Variants in CUL1 observed in about 807,000 individuals in gnomAD.
The protein encoded by CUL1 is cullin 1.
A neutral mutation model predicts 118.0 loss-of-function variants in CUL1; 24 were observed. That is an observed-to-expected ratio of 0.20 (90% CI 0.15 to 0.29). The LOEUF (loss-of-function observed/expected upper bound fraction) is 0.29. Ranked by LOEUF, CUL1 falls within the 10% of genes least tolerant of loss-of-function variation. CUL1 has a pLI of 1.00. For synonymous variants in CUL1, 332 were observed against 340.4 expected (o/e 0.98, Z 0.27); for missense variants, 361 against 933.8 (o/e 0.39, Z 7.99).
At chr7:148,786,658 A>G (rs1800825925) in intron 12 of CUL1, 59 bp downstream of exon 12, 2 of 1,404,418 alleles carry the variant, frequency 1.4e-6, no homozygotes, top group East Asian at 4.6e-5. Context: ...AGCTGTTTGT[A>G]ATGTTATTTG....
intron 7 of CUL1, among the ~76,000 whole-genome samples, chr7:148,763,468 CTA>C (rs1489123802): frequency 6.6e-6 from 1 of 152,196 alleles, no homozygotes; most frequent in Non-Finnish European, 1.5e-5. Context: ...TCAAACTGAG[CTA>C]TGAGTCTATT....
At chr7:148,725,248 C>CACACACACACACACA (rs3222168) in intron 1 of CUL1, among the ~76,000 whole-genome samples, 3 of 151,268 alleles carry the variant, frequency 2.0e-5, no homozygotes, top group African/African-American at 4.9e-5. Flanking sequence ...CACACACACA[C>CACACACACACACACA]CCGTACCCCT....
intron 2 of CUL1, among the ~76,000 whole-genome samples, chr7:148,753,364 C>T (rs564884265): frequency 9.8e-5 from 15 of 152,306 alleles, no homozygotes; most frequent in South Asian, 8.3e-4. Flanking sequence ...TCATTCTCTG[C>T]GCTCCCCCTG....
chr7:148,797,069 G>T (rs1167128873), intron 17 of CUL1, among the ~76,000 whole-genome samples: 1 of 152,008 alleles, frequency 6.6e-6, no homozygotes, highest in Non-Finnish European at 1.5e-5. Context: ...AGGAGGGCTG[G>T]GAAGCGTTTA....
rs74980596 is a variant in CUL1 at position 148,713,737 on chromosome 7, T to A, written c.-162+14708T>A. Reference sequence around the variant, plus strand: ...TGTGTATTTTATATTATATATATATTTTTTGAGATGGAGTCTCATTCTGTC... The same window carrying A: ...TGTGTATTTTATATTATATATATATATTTTGAGATGGAGTCTCATTCTGTC... On this transcript the variant is annotated intron_variant, in intron 1 of 21. Coordinates refer to ENST00000325222, the MANE Select transcript of CUL1 (RefSeq NM_003592.3). Among the ~76,000 whole-genome samples the A allele has an allele frequency of 8.6e-3, 1,311 of 152,222 alleles. 18 individuals are homozygous for A. Among genetic ancestry groups the A allele is most frequent in the African/African-American group, 0.03 (1,255 of 41,476 alleles).
intron 1 of CUL1, among the ~76,000 whole-genome samples, chr7:148,726,426 T>G (rs1344706198): frequency 6.6e-6 from 1 of 152,170 alleles, no homozygotes; most frequent in Non-Finnish European, 1.5e-5. Context: ...TCAAAATATC[T>G]GAGTAGATTT....
chr7:148,793,897 C>T (rs1801100264), intron 17 of CUL1, among the ~76,000 whole-genome samples: 1 of 152,164 alleles, frequency 6.6e-6, no homozygotes, highest in Admixed American at 6.5e-5. Context: ...TCCATATCCT[C>T]ACCAACATTT....
At chr7:148,745,604 T>G (rs1185990688) in intron 2 of CUL1, among the ~76,000 whole-genome samples, 1 of 152,182 alleles carries the variant, frequency 6.6e-6, no homozygotes, top group Non-Finnish European at 1.5e-5. Context: ...TTTCAGAGGC[T>G]CCATAGTGAC....
chr7:148,763,550 G>A (rs1457202364), intron 7 of CUL1, among the ~76,000 whole-genome samples: 1 of 152,128 alleles, frequency 6.6e-6, no homozygotes, highest in Non-Finnish European at 1.5e-5. Flanking sequence ...TTCCTTATCT[G>A]TAAAATGTGA....
intron 17 of CUL1, among the ~76,000 whole-genome samples, chr7:148,793,933 A>C (rs1188862530): frequency 2.0e-5 from 3 of 152,210 alleles, no homozygotes; most frequent in Non-Finnish European, 4.4e-5. Flanking sequence ...AAAAAAAATT[A>C]TAGCCATCCC....
chr7:148,710,297 G>A (rs1234532438), intron 1 of CUL1, among the ~76,000 whole-genome samples: 5 of 116,350 alleles, frequency 4.3e-5, no homozygotes, highest in African/African-American at 1.2e-4. Context: ...CCAGTGGGCC[G>A]GGCGCGGTAC....
chr7:148,774,135 A>G (rs1278995352), intron 9 of CUL1, among the ~76,000 whole-genome samples: 4 of 152,218 alleles, frequency 2.6e-5, no homozygotes, highest in East Asian at 1.9e-4. Flanking sequence ...AGTGTGTGCA[A>G]TGCAGTCCGT....
chr7:148,713,473 G>T (rs1798115438), intron 1 of CUL1, among the ~76,000 whole-genome samples: 1 of 152,158 alleles, frequency 6.6e-6, no homozygotes, highest in Non-Finnish European at 1.5e-5. Context: ...ACTTAATTAA[G>T]ATTCATTTCT....
intron 1 of CUL1, among the ~76,000 whole-genome samples, chr7:148,721,737 T>C (rs1798402957): frequency 6.6e-6 from 1 of 152,046 alleles, no homozygotes; most frequent in Non-Finnish European, 1.5e-5. Flanking sequence ...TTTTTTTCAC[T>C]CAAGACTCCA....
rs547121284 is a variant in CUL1, at chr7:148,787,601, G to T, written c.1479+481G>T. 3.9e-5 allele frequency among the ~76,000 whole-genome samples: 6 copies of T among 152,142 alleles called. No homozygotes were observed. The highest frequency in any genetic ancestry group is 1.4e-4 in the African/African-American group (6 of 41,434). ...ATCACTCTACTCTCGTTGGGCCCCG[G>T]TGCCTTCCCAACCCCTTCCCCACCC... is the stretch of plus-strand genomic sequence containing the variant. On this transcript the variant is annotated intron_variant, in intron 13 of 21. Coordinates refer to ENST00000325222, the MANE Select transcript of CUL1 (RefSeq NM_003592.3). The surrounding 1 kb of genome is among the most constrained non-coding windows in gnomAD (Gnocchi z 5.5).
chr7:148,724,717 A>G (rs113761648), intron 1 of CUL1, among the ~76,000 whole-genome samples: 2 of 152,342 alleles, frequency 1.3e-5, no homozygotes, highest in African/African-American at 4.8e-5. Flanking sequence ...GAGGTGGCAC[A>G]TCTGCAGGGT....
chr7:148,780,842 G>C (rs1019011811), intron 9 of CUL1, among the ~76,000 whole-genome samples: 1 of 151,938 alleles, frequency 6.6e-6, no homozygotes, highest in Non-Finnish European at 1.5e-5. Context: ...TTGCTTTCTT[G>C]AAAAAACATC....
chr7:148,767,874 T>C (rs1022700892), intron 9 of CUL1, 125 bp downstream of exon 9: 3 of 987,352 alleles, frequency 3.0e-6, no homozygotes, highest in Non-Finnish European at 4.5e-6. Context: ...CTGAGAACCA[T>C]GTTTTGTCTT....
chr7:148,745,145 C>T (rs1563156981), intron 2 of CUL1, among the ~76,000 whole-genome samples: 1 of 152,090 alleles, frequency 6.6e-6, no homozygotes, highest in African/African-American at 2.4e-5. Context: ...CAAGACCATC[C>T]AATGAGTAAT....
Sources: gnomAD v4.1 joint callset for allele counts (sites outside exome capture counted in the v4.1 genomes callset) on GRCh38, gnomAD v4.1.1 for gene constraint, Gnocchi (gnomAD v3.1) non-coding constraint, MANE v1.5 for transcripts, NCBI Gene and HGNC (gene_info 2026-07-23, HGNC 2026-07-21) for gene names.